Variants in NAALADL2 observed in about 807,000 individuals in gnomAD.
NAALADL2 encodes the protein inactive N-acetylated-alpha-linked acidic dipeptidase-like protein 2.
In NAALADL2, 76 loss-of-function variants were observed where a neutral mutation model predicts 87.2. The ratio of observed to expected loss-of-function variants is 0.87; its 90% CI spans 0.72 to 1.05. The LOEUF is 1.05. Among genes scored for constraint, NAALADL2 ranks in the 50% least tolerant of loss-of-function variants. The probability of loss-of-function intolerance (pLI) is 0.00; values close to 1 mark genes in which losing one functional copy is unlikely to be tolerated. For missense variants in NAALADL2, 1,089 were observed against 945.8 expected (o/e 1.15, Z -1.99); for synonymous variants, 354 against 331.0 (o/e 1.07, Z -0.75).
chr3:174,541,631 C>T (rs12487238), intron 1 of NAALADL2, among the ~76,000 whole-genome samples: 60,540 of 152,054 alleles, frequency 0.4, 13,632 homozygotes, highest in Non-Finnish European at 0.51. Flanking sequence ...ATTAACTTGG[C>T]TCCATTTATG....
chr3:174,868,071 A>G (rs1727371276), intron 1 of NAALADL2, among the ~76,000 whole-genome samples: 1 of 152,070 alleles, frequency 6.6e-6, no homozygotes, highest in Non-Finnish European at 1.5e-5. Context: ...CAAAGGCTTC[A>G]GACATAATGC....
intron 5 of NAALADL2, among the ~76,000 whole-genome samples, chr3:175,365,257 T>A (rs1254226191): frequency 6.8e-6 from 1 of 147,496 alleles, no homozygotes; most frequent in Non-Finnish European, 1.5e-5. Context: ...GCTACAGTAA[T>A]GAGTTACAGC....
intron 2 of NAALADL2, among the ~76,000 whole-genome samples, chr3:174,592,497 C>G (rs952326926): frequency 3.3e-4 from 50 of 152,204 alleles, no homozygotes; most frequent in African/African-American, 1.1e-3. Flanking sequence ...GGGACCTGTG[C>G]TCAGGAATGA....
chr3:175,105,996 A>G (rs1167964284), intron 2 of NAALADL2, among the ~76,000 whole-genome samples: 1 of 152,046 alleles, frequency 6.6e-6, no homozygotes, highest in Non-Finnish European at 1.5e-5. Context: ...CTTCAGGAAG[A>G]GGTTGTCTCA....
intron 3 of NAALADL2, among the ~76,000 whole-genome samples, chr3:174,747,012 G>A (rs533706307): frequency 6.6e-6 from 1 of 152,196 alleles, no homozygotes; most frequent in African/African-American, 2.4e-5. Context: ...TTGGGAAACA[G>A]CACAGGCAAA....
intron 2 of NAALADL2, among the ~76,000 whole-genome samples, chr3:175,132,600 G>A (rs1215600512): frequency 2.8e-5 from 3 of 107,058 alleles, no homozygotes; most frequent in South Asian, 6.5e-4. Context: ...GCGGCTGGCC[G>A]GGCAGGGGGC....
At chr3:174,607,251 G>A (rs1303897549) in intron 2 of NAALADL2, among the ~76,000 whole-genome samples, 19 of 151,816 alleles carry the variant, frequency 1.3e-4, no homozygotes, top group Non-Finnish European at 1.2e-4. Flanking sequence ...GGAAGAAACT[G>A]CATCAACTAA....
intron 1 of NAALADL2, among the ~76,000 whole-genome samples, chr3:175,047,566 C>T (rs1754837785): frequency 6.6e-6 from 1 of 151,968 alleles, no homozygotes; most frequent in Admixed American, 6.6e-5. Flanking sequence ...ATACAACTTA[C>T]CCAATAAAAT....
At chr3:175,735,513 T>C (rs1744379842) in intron 11 of NAALADL2, among the ~76,000 whole-genome samples, 1 of 152,182 alleles carries the variant, frequency 6.6e-6, no homozygotes, top group Admixed American at 6.5e-5. Context: ...GGAAAGAGGT[T>C]TAATGGAAAA....
At chr3:174,904,045 ATC>A (rs1732661378) in intron 1 of NAALADL2, among the ~76,000 whole-genome samples, 1 of 151,624 alleles carries the variant, frequency 6.6e-6, no homozygotes, top group Non-Finnish European at 1.5e-5. Context: ...ATATATCTAT[ATC>A]TCTGAGCTTA....
At chr3:175,282,911 CTT>C (rs77457477) in intron 4 of NAALADL2, among the ~76,000 whole-genome samples, 31 of 137,124 alleles carry the variant, frequency 2.3e-4, no homozygotes, top group Non-Finnish European at 2.2e-4. Context: ...TTTCTGTCTT[CTT>C]TTTTTTTTTT....
intron 5 of NAALADL2, among the ~76,000 whole-genome samples, chr3:175,424,051 G>A (rs1157521128): frequency 6.6e-6 from 1 of 152,176 alleles, no homozygotes; most frequent in East Asian, 1.9e-4. Flanking sequence ...CCTTTTGGCT[G>A]CATAAATGTC....
At chr3:175,362,683 T>A (rs1765167720) in intron 5 of NAALADL2, among the ~76,000 whole-genome samples, 1 of 148,356 alleles carries the variant, frequency 6.7e-6, no homozygotes, top group Non-Finnish European at 1.5e-5. Context: ...CTTCTTTTCC[T>A]ATGGGTAGAT....
intron 1 of NAALADL2, among the ~76,000 whole-genome samples, chr3:174,973,463 T>A (rs1182772753): frequency 6.6e-6 from 1 of 152,166 alleles, no homozygotes; most frequent in Non-Finnish European, 1.5e-5. Flanking sequence ...TTATTTTATA[T>A]AAGATAATAT....
rs562041074 is a variant in NAALADL2 at position 174,803,709 on chromosome 3, C to A, written c.-9+65963C>A. ...ATATGGCTAGCCAGTTTTCCCGGCA[C>A]CATTTATTAAATAGGGAATCCTTTT... On this transcript the variant is annotated intron_variant, in intron 3 of 3. Transcript: ENST00000434257. Among the ~76,000 whole-genome samples the A allele has an allele frequency of 2.3e-4, 35 of 152,218 alleles. No individual in the cohort carries two copies. The South Asian group carries it at 3.7e-3, about 16-fold the overall frequency.
At chr3:174,966,697 A>C (rs1282457629) in intron 1 of NAALADL2, among the ~76,000 whole-genome samples, 2 of 152,194 alleles carry the variant, frequency 1.3e-5, no homozygotes, top group Admixed American at 1.3e-4. Context: ...GACATACCCA[A>C]GTAACATACA....
intron 1 of NAALADL2, among the ~76,000 whole-genome samples, chr3:174,950,423 T>C (rs1036050790): frequency 2.6e-5 from 4 of 152,166 alleles, no homozygotes; most frequent in Non-Finnish European, 5.9e-5. Context: ...TGTTATACTT[T>C]GCTGTGTAAA....
chr3:175,576,714 A>G (rs1162638925), intron 10 of NAALADL2, among the ~76,000 whole-genome samples: 1 of 152,178 alleles, frequency 6.6e-6, no homozygotes, highest in Admixed American at 6.5e-5. Flanking sequence ...GTCTCTGTTC[A>G]TCCATCTTTT....
intron 2 of NAALADL2, among the ~76,000 whole-genome samples, chr3:174,662,267 A>T (rs1725574503): frequency 1.3e-5 from 2 of 152,260 alleles, no homozygotes; most frequent in Non-Finnish European, 2.9e-5. Flanking sequence ...GAACTCTTTG[A>T]TCTTATTACA....
Sources: allele counts gnomAD v4.1 joint callset (sites outside exome capture counted in the v4.1 genomes callset), GRCh38; gene constraint gnomAD v4.1.1; transcripts MANE v1.5; gene names NCBI Gene and HGNC (gene_info 2026-07-23, HGNC 2026-07-21).